SERGEF: variants seen among roughly 807,000 people sequenced by gnomAD.
The protein encoded by SERGEF is secretion-regulating guanine nucleotide exchange factor.
In SERGEF, 51 loss-of-function variants were observed where a neutral mutation model predicts 50.0. The ratio of observed to expected loss-of-function variants is 1.02; its 90% CI spans 0.81 to 1.29. SERGEF has a LOEUF of 1.29. Ranked by LOEUF, SERGEF falls within the 50% of genes most tolerant of loss-of-function variation. The pLI, the probability that SERGEF is intolerant of heterozygous loss-of-function variation, is 0.00. For synonymous variants in SERGEF, 205 were observed against 212.4 expected, an observed-to-expected ratio of 0.97 and a Z score of 0.30; for missense variants, 521 against 557.0, an observed-to-expected ratio of 0.94 and a Z score of 0.65.
chr11:17,879,165 A>G (rs147498089), intron 9 of SERGEF, among the ~76,000 whole-genome samples: 1 of 152,326 alleles, frequency 6.6e-6, no homozygotes, highest in East Asian at 1.9e-4. Flanking sequence ...CTAATACATA[A>G]AAGACAATTT....
intron 10 of SERGEF, among the ~76,000 whole-genome samples, chr11:17,806,215 A>G (rs2133830429): frequency 6.6e-6 from 1 of 152,346 alleles, no homozygotes; most frequent in South Asian, 2.1e-4. Context: ...CTAGTCAACA[A>G]ACATTCCTCT....
At chr11:17,842,140 A>G (rs868202922) in intron 10 of SERGEF, among the ~76,000 whole-genome samples, 1 of 152,060 alleles carries the variant, frequency 6.6e-6, no homozygotes, top group Middle Eastern at 3.2e-3. Context: ...GTGAGGGATC[A>G]TGTCTGTTTT....
intron 9 of SERGEF, among the ~76,000 whole-genome samples, chr11:17,931,360 C>CAGTA (rs1852349179): frequency 6.6e-6 from 1 of 152,172 alleles, no homozygotes; most frequent in South Asian, 2.1e-4. Flanking sequence ...ATGCCACACA[C>CAGTA]AGTAAGGTAG....
chr11:17,956,389 T>C (rs1337681397), intron 9 of SERGEF, among the ~76,000 whole-genome samples: 2 of 152,208 alleles, frequency 1.3e-5, no homozygotes, highest in Non-Finnish European at 2.9e-5. Context: ...TGTTTACCTA[T>C]TGTGTGATCA....
intron 5 of SERGEF, 133 bp downstream of exon 5, chr11:18,000,364 G>A (rs1474388896): frequency 1.6e-6 from 1 of 608,438 alleles, no homozygotes; most frequent in Non-Finnish European, 2.8e-6. Context: ...CAGTTAGACA[G>A]CTTGGGCTCA....
intron 8 of SERGEF, among the ~76,000 whole-genome samples, chr11:17,965,128 A>C (rs1054249362): frequency 6.6e-6 from 1 of 152,176 alleles, no homozygotes; most frequent in Non-Finnish European, 1.5e-5. Context: ...ATGTTGTGGG[A>C]GGGACCTGGT....
At chr11:17,899,642 A>G (rs956953545) in intron 9 of SERGEF, among the ~76,000 whole-genome samples, 1 of 152,142 alleles carries the variant, frequency 6.6e-6, no homozygotes, top group Non-Finnish European at 1.5e-5. Flanking sequence ...GTAACTTAGA[A>G]AGATATTCAT....
intron 10 of SERGEF, among the ~76,000 whole-genome samples, chr11:17,844,188 AT>A (rs1186657940): frequency 6.6e-6 from 1 of 152,206 alleles, no homozygotes; most frequent in Non-Finnish European, 1.5e-5. Flanking sequence ...CAGGTATCCA[AT>A]TCACAGTCAA....
chr11:17,807,336 C>T (rs372313440), intron 10 of SERGEF, among the ~76,000 whole-genome samples: 1 of 101,992 alleles, frequency 9.8e-6, no homozygotes, highest in African/African-American at 3.0e-5. Context: ...ACTCCCCCCC[C>T]ACAAAAAAAA....
chr11:17,830,611 AG>A (rs1850280588), intron 10 of SERGEF, among the ~76,000 whole-genome samples: 1 of 139,972 alleles, frequency 7.1e-6, no homozygotes, highest in Admixed American at 7.4e-5. Flanking sequence ...GGAGAGAGAG[AG>A]AGAGAGAGAG....
intron 8 of SERGEF, among the ~76,000 whole-genome samples, chr11:17,969,238 C>A (rs1263814756): frequency 1.3e-5 from 2 of 152,112 alleles, no homozygotes; most frequent in Non-Finnish European, 2.9e-5. Context: ...GCTAGTTACA[C>A]CTAGAAGCTG....
At chr11:17,970,209 C>G (rs549411133) in intron 8 of SERGEF, among the ~76,000 whole-genome samples, 20 of 152,146 alleles carry the variant, frequency 1.3e-4, no homozygotes, top group Admixed American at 2.6e-4. Context: ...AGCATGTGTT[C>G]TGTGTGACAT....
intron 8 of SERGEF, among the ~76,000 whole-genome samples, chr11:17,972,762 T>G (rs535109420): frequency 7.3e-4 from 111 of 152,198 alleles, no homozygotes; most frequent in African/African-American, 2.5e-3. Context: ...TATCATGGGC[T>G]TCCTGAGCTC....
chr11:17,872,953 T>C (rs1483161201), intron 10 of SERGEF, among the ~76,000 whole-genome samples: 1 of 152,084 alleles, frequency 6.6e-6, no homozygotes, highest in East Asian at 2.0e-4. Context: ...CACTTACATA[T>C]GTAAAAGGAC....
At chr11:17,864,397 G>GA (rs1277387942) in intron 10 of SERGEF, among the ~76,000 whole-genome samples, 1 of 152,136 alleles carries the variant, frequency 6.6e-6, no homozygotes, top group Non-Finnish European at 1.5e-5. Context: ...TAGGAACAGT[G>GA]AAAAATCCAC....
At chr11:17,985,179 C>T (rs575560501) in intron 8 of SERGEF, among the ~76,000 whole-genome samples, 2 of 152,298 alleles carry the variant, frequency 1.3e-5, no homozygotes, top group Admixed American at 1.3e-4. Flanking sequence ...CCTGTGGAAA[C>T]AGAAGTCTTT....
chr11:17,896,155 C>A (rs559355796), intron 9 of SERGEF, among the ~76,000 whole-genome samples: 1 of 151,984 alleles, frequency 6.6e-6, no homozygotes, highest in Non-Finnish European at 1.5e-5. Context: ...TTGGGGAGTA[C>A]ATTTTATTAA....
intron 8 of SERGEF, among the ~76,000 whole-genome samples, chr11:17,963,018 C>G (rs973876470): frequency 1.3e-5 from 2 of 151,598 alleles, no homozygotes; most frequent in Non-Finnish European, 2.9e-5. Context: ...CCCGTCTCTA[C>G]TAAAAATACA....
chr11:17,989,313 A>T (rs1215447735), intron 7 of SERGEF, among the ~76,000 whole-genome samples: 1 of 152,222 alleles, frequency 6.6e-6, no homozygotes, highest in Non-Finnish European at 1.5e-5. Flanking sequence ...TGACTGACTG[A>T]CATTGTGATT....
Sources: allele counts gnomAD v4.1 joint callset (sites outside exome capture counted in the v4.1 genomes callset), GRCh38; gene constraint gnomAD v4.1.1; transcripts MANE v1.5; gene names NCBI Gene and HGNC (gene_info 2026-07-23, HGNC 2026-07-21).